The following CEACAM3 variants were observed in gnomAD, a reference collection of about 807,000 sequenced individuals.
The protein encoded by CEACAM3 is CEA cell adhesion molecule 3.
CEACAM3 carries 32 observed loss-of-function variants against 30.1 expected under a neutral mutation model. That is an observed-to-expected ratio of 1.06 (90% CI 0.80 to 1.43). The LOEUF is 1.43. Among genes scored for constraint, CEACAM3 ranks in the 40% most tolerant of loss-of-function variants. CEACAM3 has a pLI of 0.00. For missense variants in CEACAM3, 290 were observed against 316.3 expected, an observed-to-expected ratio of 0.92 and a Z score of 0.63; for synonymous variants, 134 against 127.2, an observed-to-expected ratio of 1.05 and a Z score of -0.36.
At chr19:41,802,394 G>C (rs7251336) in intron 2 of CEACAM3, among the ~76,000 whole-genome samples, 4 of 152,068 alleles carry the variant, frequency 2.6e-5, no homozygotes, top group African/African-American at 9.7e-5. Context: ...GCTAGGCCTC[G>C]GTGTTAATTG....
chr19:41,804,782 C>T (rs556599278), intron 2 of CEACAM3, among the ~76,000 whole-genome samples: 313 of 152,014 alleles, frequency 2.1e-3, no homozygotes, highest in African/African-American at 6.8e-3. Flanking sequence ...TCAGACCTTT[C>T]GACCATTAAT....
In CEACAM3 at chr19:41,797,755, T is replaced by C; in HGVS notation, c.231T>C (p.Ser77=). ...WYKGERVDGN[S]LIVGYVIGTQ... ...AAGGGGAAAGAGTGGATGGCAACAG[T>C]CTAATTGTAGGATATGTAATAGGAA... Residue 77 remains serine, a synonymous_variant, in exon 2 of 7, where the codon AGT becomes AGC. Coordinates refer to ENST00000357396, the MANE Select transcript of CEACAM3 (RefSeq NM_001815.5). The C allele has an allele frequency of 3.7e-6, 6 of 1,613,002 alleles. No homozygotes were observed. The highest frequency in any genetic ancestry group is 5.1e-6 in the Non-Finnish European group (6 of 1,179,922).
Position 41,811,537 on chromosome 19 carries a change from A to G in CEACAM3, c.*300A>G. 2.6e-6 allele frequency: 1 copy of G among 377,970 alleles called. No individual in the cohort carries two copies. Among genetic ancestry groups the G allele is most frequent in the Non-Finnish European group, 5.0e-6 (1 of 201,678 alleles). The allele number at this position is 377,970 out of a possible 1,614,324, so 23.4% of individuals were successfully genotyped here. A position where few individuals can be genotyped will look rare whatever the true frequency, so the allele number is the denominator to read the frequency against. On this transcript the variant is annotated 3_prime_UTR_variant, in exon 7 of 7. Coordinates refer to ENST00000357396, the MANE Select transcript of CEACAM3 (RefSeq NM_001815.5). ...GGTCACTTGGAAAGGATCTGAATAA[A>G]GGGGACCCTTCCTCTCATTAGCTGT...
In CEACAM3 at chr19:41,797,540, C is replaced by T. The variant is rs782149016; in HGVS notation, c.65-49C>T. 6 of 1,570,712 alleles carry T rather than the reference C, an allele frequency of 3.8e-6. No homozygotes were observed. The African/African-American group carries it at 6.8e-5, about 18-fold the overall frequency. Reference sequence around the variant, plus strand: ...CTCAGGACCCAGGGCCCCATCTTTCCATCCCAATACATGGGTCCCAATATT... The same window carrying T: ...CTCAGGACCCAGGGCCCCATCTTTCTATCCCAATACATGGGTCCCAATATT... On this transcript the variant is annotated intron_variant, in intron 1 of 6. Coordinates refer to ENST00000357396, the MANE Select transcript of CEACAM3 (RefSeq NM_001815.5).
chr19:41,810,473 C>A, intron 5 of CEACAM3, 119 bp downstream of exon 5: 2 of 1,198,494 alleles, frequency 1.7e-6, no homozygotes, highest in Non-Finnish European at 2.4e-6. Flanking sequence ...ACACACAGGA[C>A]AAGGCTAGCC....
In CEACAM3 at chr19:41,811,281, A is replaced by G. The variant is rs782619226; in HGVS notation, c.*44A>G. On this transcript the variant is annotated 3_prime_UTR_variant, in exon 7 of 7. Transcript: ENST00000357396. Reference sequence around the variant, plus strand: ...CCTGTGTGTTGATGGAGAGTCCCCAAGGCCCCCAGCCCTGGGGATGGGGAA... The same window carrying G: ...CCTGTGTGTTGATGGAGAGTCCCCAGGGCCCCCAGCCCTGGGGATGGGGAA... 2.1e-5 allele frequency: 33 copies of G among 1,539,160 alleles called. No homozygotes were observed. The highest frequency in any genetic ancestry group is 1.2e-4 in the South Asian group (11 of 89,594).
At chr19:41,809,786 G>C (rs929368931) in intron 3 of CEACAM3, 179 bp from the exon 4 acceptor site, 1 of 664,704 alleles carries the variant, frequency 1.5e-6, no homozygotes, top group Middle Eastern at 2.6e-4. Context: ...GACAGATGTG[G>C]GTTCCTAAAG....
At chr19:41,799,044 T>C (rs1427490034) in intron 2 of CEACAM3, among the ~76,000 whole-genome samples, 2 of 152,232 alleles carry the variant, frequency 1.3e-5, no homozygotes, top group East Asian at 1.9e-4. Context: ...TCCTTTTTCT[T>C]GGGCATCCAC....
At chr19:41,803,441 TG>T in intron 2 of CEACAM3, among the ~76,000 whole-genome samples, 1 of 140,418 alleles carries the variant, frequency 7.1e-6, no homozygotes, top group Admixed American at 7.3e-5. Context: ...TGTGTGTGTG[TG>T]TGTGTGTGTG....
At chr19:41,809,016 C>A in intron 3 of CEACAM3, 86 bp downstream of exon 3, 1 of 975,854 alleles carries the variant, frequency 1.0e-6, no homozygotes, top group Non-Finnish European at 1.5e-6. Flanking sequence ...TATTCAGGGC[C>A]AGGCTCTCCA....
At chr19:41,807,723 C>A in intron 2 of CEACAM3, 1 of 711,564 alleles carries the variant, frequency 1.4e-6, no homozygotes, top group Non-Finnish European at 2.0e-6. Context: ...AGACCAGGAG[C>A]TTCCCCTTCC....
intron 1 of CEACAM3, 134 bp downstream of exon 1, chr19:41,796,875 G>A: frequency 2.3e-6 from 2 of 861,306 alleles, no homozygotes; most frequent in Non-Finnish European, 3.6e-6. Flanking sequence ...CATCAGAGAG[G>A]GACACGGGTC....
intron 2 of CEACAM3, chr19:41,807,458 G>C: frequency 7.6e-7 from 1 of 1,317,242 alleles, no homozygotes; most frequent in Non-Finnish European, 1.0e-6. Flanking sequence ...AGGCCTCTCA[G>C]TCCCTCTCAA....
chr19:41,796,697 C>G lies in CEACAM3; in HGVS notation c.20C>G (p.Ser7Cys). The G allele has an allele frequency of 6.2e-7, 1 of 1,614,092 alleles. No individual in the cohort carries two copies. The highest frequency in any genetic ancestry group is 8.5e-7 in the Non-Finnish European group (1 of 1,179,962). The change falls in exon 1 of 7, where the codon TCT becomes TGT. Residue 7 changes from serine to cysteine, a missense_variant. Ser to Cys is a moderately radical substitution (Grantham distance 112). Transcript: ENST00000357396. ...GAGACCATGGGGCCCCCCTCAGCCTCTCCCCACAGAGAATGCATCCCCTGG... is the reference window on the plus strand; with the variant it reads ...GAGACCATGGGGCCCCCCTCAGCCTGTCCCCACAGAGAATGCATCCCCTGG... Reference protein sequence around the residue: MGPPSASPHRECIPWQG... With the variant: MGPPSACPHRECIPWQG...
In CEACAM3 at chr19:41,811,226, G is replaced by A. The variant is rs1288607964; in HGVS notation, c.748G>A (p.Val250Met). The change falls in exon 7 of 7, where the codon GTG becomes ATG. Residue 250 changes from valine to methionine, a missense_variant. Physicochemically the swap from Val to Met is conservative, Grantham distance 21. Coordinates refer to ENST00000357396, the MANE Select transcript of CEACAM3 (RefSeq NM_001815.5). Reference sequence around the variant, plus strand: ...CTGCCGGATGGACCACAAAGCAGAAGTGGCTTCTTAGCTTCCTCCAGGAGC... The same window carrying A: ...CTGCCGGATGGACCACAAAGCAGAAATGGCTTCTTAGCTTCCTCCAGGAGC... ...IYCRMDHKAE[V>M]AS 2 of 1,613,952 alleles carry A rather than the reference G, an allele frequency of 1.2e-6. No individual in the cohort carries two copies. Among genetic ancestry groups the A allele is most frequent in the Non-Finnish European group, 1.7e-6 (2 of 1,180,008 alleles).
intron 2 of CEACAM3, among the ~76,000 whole-genome samples, chr19:41,800,903 TTTTATCTC>T (rs1433882264): frequency 6.6e-6 from 1 of 152,130 alleles, no homozygotes; most frequent in Non-Finnish European, 1.5e-5. Flanking sequence ...CTGTCTGTTC[TTTTATCTC>T]TTTATCTTGT....
At chr19:41,807,538 G>T (rs1483731950) in intron 2 of CEACAM3, 18 of 1,347,510 alleles carry the variant, frequency 1.3e-5, no homozygotes, top group Non-Finnish European at 1.7e-5. Context: ...GGCAGACCCA[G>T]CCTTGACCAA....
At chr19:41,798,653 G>A (rs1207796102) in intron 2 of CEACAM3, among the ~76,000 whole-genome samples, 1 of 152,198 alleles carries the variant, frequency 6.6e-6, no homozygotes, top group Non-Finnish European at 1.5e-5. Context: ...TCCCCAGGGG[G>A]AGGAAAAAGA....
intron 1 of CEACAM3, among the ~76,000 whole-genome samples, chr19:41,796,978 T>C (rs776884477): frequency 1.3e-5 from 2 of 152,188 alleles, no homozygotes; most frequent in African/African-American, 2.4e-5. Context: ...GCCACTACAA[T>C]TAGAAAATGA....
Sources: gnomAD v4.1 joint callset for allele counts (sites outside exome capture counted in the v4.1 genomes callset) on GRCh38, gnomAD v4.1.1 for gene constraint, MANE v1.5 for transcripts, NCBI Gene and HGNC (gene_info 2026-07-23, HGNC 2026-07-21) for gene names.